The following IL1RAPL1 variants were observed in gnomAD, a reference collection of about 807,000 sequenced individuals.
IL1RAPL1 encodes interleukin 1 receptor accessory protein like 1, also known as interleukin-1 receptor accessory protein-like 1.
IL1RAPL1 carries 3 observed loss-of-function variants against 48.4 expected under a neutral mutation model. The observed-to-expected ratio is 0.06, with a 90% CI of 0.03 to 0.16. IL1RAPL1 has a LOEUF of 0.16. Among genes scored for constraint, IL1RAPL1 ranks in the 10% least tolerant of loss-of-function variants. The probability of loss-of-function intolerance (pLI) is 1.00; values close to 1 mark genes in which losing one functional copy is unlikely to be tolerated. For missense variants in IL1RAPL1, 349 were observed against 530.6 expected (o/e 0.66, Z 3.36); for synonymous variants, 185 against 187.7 (o/e 0.99, Z 0.12).
At chrX:29,422,797 A>G (rs890486776) in intron 5 of IL1RAPL1, among the ~76,000 whole-genome samples, 3 of 111,567 alleles carry the variant, frequency 2.7e-5, no homozygotes, top group Non-Finnish European at 5.6e-5. Context: ...TAAAACAACT[A>G]CAAGATGAAA....
At chrX:28,629,151 G>A (rs1296322593) in intron 1 of IL1RAPL1, among the ~76,000 whole-genome samples, 1 of 111,726 alleles carries the variant, frequency 9.0e-6, no homozygotes, top group Non-Finnish European at 1.9e-5. Context: ...AACACACTTA[G>A]GGGGCATATC....
At chrX:29,948,397 T>C (rs1933251704) in intron 9 of IL1RAPL1, among the ~76,000 whole-genome samples, 1 of 111,820 alleles carries the variant, frequency 8.9e-6, no homozygotes, top group Non-Finnish European at 1.9e-5. Flanking sequence ...GAGGTTGTCA[T>C]AGCAGAATTG....
chrX:29,185,385 G>A (rs1403159489), intron 2 of IL1RAPL1, among the ~76,000 whole-genome samples: 1 of 111,310 alleles, frequency 9.0e-6, no homozygotes, highest in Non-Finnish European at 1.9e-5. Context: ...TATGACTTTG[G>A]GGAAATTACT....
chrX:29,178,728 G>A (rs750551269), intron 2 of IL1RAPL1, among the ~76,000 whole-genome samples: 1 of 111,828 alleles, frequency 8.9e-6, no homozygotes, highest in East Asian at 2.8e-4. Context: ...TATGGTTTTA[G>A]GTCTAACATT....
At chrX:29,802,789 G>GTATA (rs1374355658) in intron 6 of IL1RAPL1, among the ~76,000 whole-genome samples, 68 of 26,114 alleles carry the variant, frequency 2.6e-3, no homozygotes, top group South Asian at 8.7e-3. Flanking sequence ...ATATGTGTGT[G>GTATA]TGTATATATA....
intron 2 of IL1RAPL1, among the ~76,000 whole-genome samples, chrX:28,876,472 C>T (rs1041317108): frequency 2.7e-5 from 3 of 111,585 alleles, no homozygotes; most frequent in Non-Finnish European, 5.6e-5. Context: ...TCTGTCACAT[C>T]TGAGGAACAA....
chrX:29,567,028 A>C (rs1443056622), intron 5 of IL1RAPL1, among the ~76,000 whole-genome samples: 1 of 111,540 alleles, frequency 9.0e-6, no homozygotes, highest in African/African-American at 3.2e-5. Context: ...AATAAAGAGA[A>C]TAAAAAGAAG....
At chrX:28,855,821 G>A (rs1921790875) in intron 2 of IL1RAPL1, among the ~76,000 whole-genome samples, 1 of 111,225 alleles carries the variant, frequency 9.0e-6, no homozygotes, top group South Asian at 3.7e-4. Context: ...TTTCACATCA[G>A]CAAGCAGATA....
chrX:29,598,168 T>A (rs184005037), intron 5 of IL1RAPL1, among the ~76,000 whole-genome samples: 1 of 112,249 alleles, frequency 8.9e-6, no homozygotes, highest in African/African-American at 3.2e-5. Context: ...TTTAATATTA[T>A]GAACTTTCCT....
chrX:29,609,935 AT>A (rs758207189), intron 5 of IL1RAPL1, among the ~76,000 whole-genome samples: 15 of 109,716 alleles, frequency 1.4e-4, no homozygotes, highest in East Asian at 2.9e-4. Context: ...AAATCTTACC[AT>A]TTTTTTTTAT....
chrX:29,825,700 C>T (rs1057204270), intron 6 of IL1RAPL1, among the ~76,000 whole-genome samples: 87 of 111,910 alleles, frequency 7.8e-4, no homozygotes, highest in African/African-American at 2.6e-3. Context: ...TTCAATGGTA[C>T]CAGACAATAC....
Position 29,668,519 on chromosome X carries a change from A to G in IL1RAPL1, c.778+15A>G, listed in dbSNP as rs1306828718. 2.8e-6 allele frequency: 3 copies of G among 1,077,766 alleles called. No individual in the cohort carries two copies. Among genetic ancestry groups the G allele is most frequent in the Middle Eastern group, 2.5e-4 (1 of 4,052 alleles). The allele number at this position is 1,077,766 out of a possible 1,213,427, so 88.8% of individuals were successfully genotyped here. On this transcript the variant is annotated intron_variant, in intron 6 of 10. Coordinates refer to ENST00000378993, the MANE Select transcript of IL1RAPL1 (RefSeq NM_014271.4). ...GACCCAGCTGGGTGAGTAATTCCTT[A>G]ATTCTAGTTAATATGCTGCTCTCGT...
chrX:28,946,087 G>A (rs1924295587), intron 2 of IL1RAPL1, among the ~76,000 whole-genome samples: 1 of 109,213 alleles, frequency 9.2e-6, no homozygotes, highest in Admixed American at 1.0e-4. Context: ...ATTAAGATCT[G>A]ATAAAAAAAG....
At chrX:28,724,199 A>AC (rs2146942072) in intron 1 of IL1RAPL1, among the ~76,000 whole-genome samples, 1 of 111,303 alleles carries the variant, frequency 9.0e-6, no homozygotes, top group East Asian at 2.8e-4. Context: ...TGCAGCGTTA[A>AC]AGTCACCCAT....
chrX:29,954,396 T>C (rs1933377485), intron 9 of IL1RAPL1, 126 bp from the exon 10 acceptor site: 1 of 547,160 alleles, frequency 1.8e-6, no homozygotes, highest in South Asian at 2.7e-5. Flanking sequence ...TAATGAAGGC[T>C]TCATTTTTCG....
intron 5 of IL1RAPL1, among the ~76,000 whole-genome samples, chrX:29,625,795 T>C (rs1201306436): frequency 8.9e-6 from 1 of 112,097 alleles, no homozygotes; most frequent in Non-Finnish European, 1.9e-5. Context: ...GCTAAGATGG[T>C]TATCTCTGTG....
chrX:29,766,746 T>C (rs1239484257), intron 6 of IL1RAPL1, among the ~76,000 whole-genome samples: 58 of 102,711 alleles, frequency 5.6e-4, no homozygotes, highest in Non-Finnish European at 9.7e-5. Context: ...TATATAATTA[T>C]AATGTATAAA....
At chrX:29,426,399 T>C (rs1444637865) in intron 5 of IL1RAPL1, among the ~76,000 whole-genome samples, 2 of 111,531 alleles carry the variant, frequency 1.8e-5, no homozygotes, top group African/African-American at 6.5e-5. Context: ...TTCTGAGAAG[T>C]TAATCTCTTT....
chrX:29,950,943 C>A (rs188198170), intron 9 of IL1RAPL1, among the ~76,000 whole-genome samples: 5 of 111,188 alleles, frequency 4.5e-5, no homozygotes, highest in Non-Finnish European at 9.4e-5. Context: ...CTCCCAAAGT[C>A]CTGGGATTAC....
Sources: allele counts gnomAD v4.1 joint callset (sites outside exome capture counted in the v4.1 genomes callset), GRCh38; gene constraint gnomAD v4.1.1; transcripts MANE v1.5; gene names NCBI Gene and HGNC (gene_info 2026-07-23, HGNC 2026-07-21).